EEF1D: variants seen among roughly 807,000 people sequenced by gnomAD.
The protein encoded by EEF1D is elongation factor 1-delta.
A neutral mutation model predicts 63.9 loss-of-function variants in EEF1D; 47 were observed. The observed-to-expected ratio is 0.74, with a 90% CI of 0.58 to 0.94. EEF1D has a LOEUF of 0.94. EEF1D is among the 40% of genes least tolerant of loss of function. EEF1D has a pLI of 0.00. For missense variants in EEF1D, 907 were observed against 899.0 expected (o/e 1.01, Z -0.11); for synonymous variants, 412 against 386.1 (o/e 1.07, Z -0.79).
intron 1 of EEF1D, among the ~76,000 whole-genome samples, chr8:143,595,684 G>A (rs538108326): frequency 1.4e-5 from 2 of 141,550 alleles, no homozygotes; most frequent in East Asian, 4.9e-4. Flanking sequence ...CCCCAACCAC[G>A]TCTTTTCTTA....
rs765379444 is a variant in EEF1D at position 143,589,880 on chromosome 8, C to T, written c.202G>A (p.Gly68Ser). ...TTCCTGGGATCACGCCTGCTGCCGC[C>T]GTCAGGGGCTTCCGCCTCATCAGCG... is the stretch of plus-strand genomic sequence containing the variant. ...EDADEAEAPD[G>S]GSRRDPRKSQ... is the part of the protein sequence containing the mutation. Residue 68 changes from glycine to serine, a missense_variant, in exon 3 of 10, where the codon GGC becomes AGC. Physicochemically the swap from Gly to Ser is moderately conservative, Grantham distance 56 (BLOSUM62 0). Transcript: ENST00000618139. 31 of 1,599,466 alleles carry T rather than the reference C, an allele frequency of 1.9e-5. No individual in the cohort carries two copies. The highest frequency in any genetic ancestry group is 5.0e-5 in the Admixed American group (3 of 59,466).
At chr8:143,585,592 C>G (rs1183550403) in intron 5 of EEF1D, among the ~76,000 whole-genome samples, 1 of 152,198 alleles carries the variant, frequency 6.6e-6, no homozygotes, top group Admixed American at 6.5e-5. Context: ...CACCCCGTCC[C>G]GGGGAGAACG....
intron 5 of EEF1D, 75 bp downstream of exon 5, chr8:143,586,144 A>C: frequency 7.0e-7 from 1 of 1,426,944 alleles, no homozygotes; most frequent in Non-Finnish European, 9.6e-7. Context: ...CAAAACAACC[A>C]GCAGCATCAG....
Position 143,580,561 on chromosome 8 carries a change from T to G in EEF1D, c.1655A>C (p.Lys552Thr), listed in dbSNP as rs761160836. The G allele has an allele frequency of 1.1e-5, 18 of 1,613,120 alleles. No individual in the cohort carries two copies. The highest frequency in any genetic ancestry group is 1.7e-4 in the Middle Eastern group (1 of 5,856). Reference protein sequence around the residue: ...EERLRQYAEKKAKKPALVAKS... With the variant: ...EERLRQYAEKTAKKPALVAKS... ...GGCCACCAGTGCAGGCTTCTTGGCC[T>G]TCTTCTCCGCGTACTGCCGTAGCCG... Residue 552 changes from lysine (K) to threonine (T), a missense_variant, in exon 8 of 10, where the codon AAG becomes ACG. Lys to Thr is a moderately conservative substitution (Grantham distance 78). Coordinates refer to ENST00000618139, the MANE Select transcript of EEF1D (RefSeq NM_001130053.5).
At chr8:143,587,278 T>C (rs1163227865) in intron 3 of EEF1D, 1 of 153,992 alleles carries the variant, frequency 6.5e-6, no homozygotes, top group East Asian at 1.9e-4. Context: ...GTTAGTAATA[T>C]GTAACAAGTT....
rs1372582796 is a variant in EEF1D, at chr8:143,589,033, G to A, written c.1049C>T (p.Pro350Leu). The change falls in exon 3 of 10, where the codon CCC (proline) becomes CTC (leucine). Residue 350 changes from proline (P) to leucine (L), a missense_variant. Pro to Leu is a moderately conservative substitution (Grantham distance 98, BLOSUM62 -3). Transcript: ENST00000618139. Reference protein sequence around the residue: ...CLEAASLSHRPGPRSGLSVSS... With the variant: ...CLEAASLSHRLGPRSGLSVSS... ...CACGGACAGGCCAGACCGAGGACCG[G>A]GTCGGTGAGACAGGGAGGCAGCTTC... is the stretch of plus-strand genomic sequence containing the variant. The A allele has an allele frequency of 3.7e-6, 6 of 1,603,074 alleles. No homozygotes were observed. In the Admixed American group the frequency reaches 5.0e-5, roughly 13 times the overall value.
rs762495668 is a variant in EEF1D, at chr8:143,589,059, G to A, written c.1023C>T (p.Leu341=). 5.0e-6 allele frequency: 8 copies of A among 1,607,490 alleles called. No individual in the cohort carries two copies. The highest frequency in any genetic ancestry group is 2.2e-5 in the East Asian group (1 of 44,790). Residue 341 remains leucine, a synonymous_variant, in exon 3 of 10, where the codon CTC becomes CTT. Coordinates refer to ENST00000618139, the MANE Select transcript of EEF1D (RefSeq NM_001130053.5). ...GTCGGTGAGACAGGGAGGCAGCTTCGAGGCACCAGGCCACCCGCAGGGCCT... is the reference window on the plus strand; with the variant it reads ...GTCGGTGAGACAGGGAGGCAGCTTCAAGGCACCAGGCCACCCGCAGGGCCT... ...AAEALRVAWC[L]EAASLSHRPG... is the part of the protein sequence containing the mutation.
chr8:143,583,473 G>A (rs984533773), intron 5 of EEF1D: 4 of 152,342 alleles, frequency 2.6e-5, no homozygotes, highest in East Asian at 3.8e-4. Flanking sequence ...GGGCACTGGA[G>A]TGCAATATGC....
chr8:143,590,328 CAGTACTCTGGG>C, intron 2 of EEF1D: 1 of 658,730 alleles, frequency 1.5e-6, no homozygotes, highest in Middle Eastern at 3.7e-4. Context: ...CCTGTAATCT[CAGTACTCTGGG>C]AGGCCAAGTG....
At chr8:143,594,263 G>GT (rs1051947324) in intron 1 of EEF1D, among the ~76,000 whole-genome samples, 5 of 152,128 alleles carry the variant, frequency 3.3e-5, no homozygotes, top group African/African-American at 4.8e-5. Flanking sequence ...GCTGCCCAGA[G>GT]TTTGAGAGTG....
chr8:143,580,455 C>A, intron 8 of EEF1D, 51 bp downstream of exon 8: 1 of 1,577,720 alleles, frequency 6.3e-7, no homozygotes, highest in Non-Finnish European at 8.7e-7. Flanking sequence ...GCCGGCTAGG[C>A]GGGCACCAGG....
chr8:143,584,388 TA>T (rs71318604), intron 5 of EEF1D: 68,395 of 120,914 alleles, frequency 0.57, 19,244 homozygotes, highest in Non-Finnish European at 0.69. Context: ...CTGCCGCTAC[TA>T]AAAAAAAAAA....
chr8:143,585,566 C>A lies in EEF1D; in HGVS notation c.1287+653G>T, dbSNP rs374663406. ...CAGCCACAGAAACACTGACCCCGTT[C>A]TTGGGGCCAGGACACCACCCCGTCC... On this transcript the variant is annotated intron_variant, in intron 5 of 9. Transcript: ENST00000618139. Among the ~76,000 whole-genome samples the A allele has an allele frequency of 2.0e-4, 31 of 152,338 alleles. No individual in the cohort carries two copies. In the East Asian group the frequency reaches 2.7e-3, roughly 13 times the overall value.
In EEF1D at chr8:143,589,917, G is replaced by A. The variant is rs747247690; in HGVS notation, c.165C>T (p.Asp55=). Residue 55 remains aspartate (D), a synonymous_variant, in exon 3 of 10, where the codon GAC becomes GAT. Transcript: ENST00000618139. ...EGPAMNGPGQ[D]DPEDADEAEA... is the part of the protein sequence containing the mutation. ...CCGCCTCATCAGCGTCCTCAGGGTC[G>A]TCCTGGCCGGGCCCATTCATGGCTG... The A allele has an allele frequency of 8.1e-5, 129 of 1,599,022 alleles. 1 individual carries two copies. Among genetic ancestry groups the A allele is most frequent in the South Asian group, 5.5e-5 (5 of 90,850 alleles).
At chr8:143,580,913 G>A in intron 7 of EEF1D, 141 bp downstream of exon 7, 17 of 1,175,900 alleles carry the variant, frequency 1.4e-5, no homozygotes, top group Non-Finnish European at 1.9e-5. Flanking sequence ...AGGGCTAACT[G>A]TAAACCTTCC....
intron 2 of EEF1D, 48 bp from the exon 3 acceptor site, chr8:143,590,129 C>G: frequency 6.3e-7 from 1 of 1,597,882 alleles, no homozygotes; most frequent in African/African-American, 1.3e-5. Context: ...AGTTGCAACA[C>G]AGCGGGTGGC....
chr8:143,592,046 G>A (rs889175899), intron 2 of EEF1D: 109 of 985,276 alleles, frequency 1.1e-4, no homozygotes, highest in Non-Finnish European at 1.2e-4. Context: ...ACGCTCCCTA[G>A]GCTCCCCTGC....
rs770537200 is a variant in EEF1D at position 143,581,340 on chromosome 8, G to A, written c.1288-12C>T. 4.7e-5 allele frequency: 76 copies of A among 1,607,442 alleles called. No individual in the cohort carries two copies. Among genetic ancestry groups the A allele is most frequent in the Admixed American group, 5.0e-5 (3 of 59,648 alleles). On this transcript the variant is annotated splice_polypyrimidine_tract_variant and intron_variant, in intron 5 of 9. Transcript: ENST00000618139. ...CCGGGGCCTGAGCTCTGCAAGGCAGGAGGAGGGGAGGGCTCAGTGCCCAGC... is the reference window on the plus strand; with the variant it reads ...CCGGGGCCTGAGCTCTGCAAGGCAGAAGGAGGGGAGGGCTCAGTGCCCAGC...
chr8:143,586,672 C>T, intron 4 of EEF1D, 57 bp downstream of exon 4: 1 of 1,594,408 alleles, frequency 6.3e-7, no homozygotes, highest in Non-Finnish European at 8.5e-7. Context: ...CTTTGTGTGC[C>T]CCGGCCACTC....
Sources: gnomAD v4.1 joint callset for allele counts (sites outside exome capture counted in the v4.1 genomes callset) on GRCh38, gnomAD v4.1.1 for gene constraint, MANE v1.5 for transcripts, NCBI Gene and HGNC (gene_info 2026-07-23, HGNC 2026-07-21) for gene names.